TBC1D9: variants seen among roughly 807,000 people sequenced by gnomAD.
The protein encoded by TBC1D9 is TBC1 domain family member 9A.
A neutral mutation model predicts 132.0 loss-of-function variants in TBC1D9; 63 were observed. The observed-to-expected ratio is 0.48, with a 90% CI of 0.39 to 0.59. The LOEUF (loss-of-function observed/expected upper bound fraction) is 0.59. Among genes scored for constraint, TBC1D9 ranks in the 20% least tolerant of loss-of-function variants. The pLI is 0.00. For missense variants in TBC1D9, 1,261 were observed against 1,592.7 expected, an observed-to-expected ratio of 0.79 and a Z score of 3.54; for synonymous variants, 610 against 609.9, an observed-to-expected ratio of 1.00 and a Z score of 0.00.
In TBC1D9 at chr4:140,653,633, GA is replaced by G. The variant is rs369580221; in HGVS notation, c.2337+3463del. Among the ~76,000 whole-genome samples, 256 of 152,156 alleles carry G rather than the reference GA, an allele frequency of 1.7e-3. 1 individual carries two copies. Among genetic ancestry groups the G allele is most frequent in the African/African-American group, 5.4e-3 (224 of 41,512 alleles). ...AACCACCAATTTAATGGTTAGGAGG[GA>G]AAAAAACAATCAGCAAGAGTTCGTG... On this transcript the variant is annotated intron_variant, in intron 13 of 20. Coordinates refer to ENST00000442267, the MANE Select transcript of TBC1D9 (RefSeq NM_015130.3).
intron 1 of TBC1D9, among the ~76,000 whole-genome samples, chr4:140,741,728 A>G (rs948365890): frequency 6.6e-6 from 1 of 152,206 alleles, no homozygotes; most frequent in Non-Finnish European, 1.5e-5. Flanking sequence ...GATAAAAACA[A>G]AAACAAAACA....
At chr4:140,638,909 C>T (rs1389855054) in intron 15 of TBC1D9, among the ~76,000 whole-genome samples, 177 bp downstream of exon 15, 1 of 152,112 alleles carries the variant, frequency 6.6e-6, no homozygotes, top group Non-Finnish European at 1.5e-5. Context: ...AAAACATCAA[C>T]TTAAATTGGT....
chr4:140,635,609 AAAAGGAGC>A (rs772161808), intron 15 of TBC1D9, among the ~76,000 whole-genome samples: 4 of 152,200 alleles, frequency 2.6e-5, no homozygotes, highest in Non-Finnish European at 5.9e-5. Context: ...TCTCCCTTAG[AAAAGGAGC>A]AAAGAAGATC....
At chr4:140,695,842 G>A (rs1176830195) in intron 2 of TBC1D9, among the ~76,000 whole-genome samples, 1 of 152,104 alleles carries the variant, frequency 6.6e-6, no homozygotes, top group Non-Finnish European at 1.5e-5. Flanking sequence ...GTGAGCCCCA[G>A]GTGCAAAATA....
chr4:140,734,795 C>G (rs1738648801), intron 1 of TBC1D9, among the ~76,000 whole-genome samples: 1 of 152,000 alleles, frequency 6.6e-6, no homozygotes. Flanking sequence ...GACCCTGTCT[C>G]TAAAATAAAA....
chr4:140,676,103 C>G (rs546903390), intron 6 of TBC1D9, among the ~76,000 whole-genome samples: 11 of 152,320 alleles, frequency 7.2e-5, no homozygotes, highest in African/African-American at 2.6e-4. Flanking sequence ...CTATGCCCCA[C>G]AGCCCACCAA....
intron 9 of TBC1D9, among the ~76,000 whole-genome samples, chr4:140,665,711 G>C (rs1737432272): frequency 6.6e-6 from 1 of 151,998 alleles, no homozygotes. Flanking sequence ...GGGTCTTGCT[G>C]AGTCACCCAA....
chr4:140,648,542 C>A (rs61349008), intron 13 of TBC1D9, among the ~76,000 whole-genome samples: 1 of 151,920 alleles, frequency 6.6e-6, no homozygotes, highest in Non-Finnish European at 1.5e-5. Flanking sequence ...TGTGCCACTA[C>A]GCCTGGCTAA....
At chr4:140,651,683 C>T (rs1458343057) in intron 13 of TBC1D9, among the ~76,000 whole-genome samples, 1 of 152,152 alleles carries the variant, frequency 6.6e-6, no homozygotes, top group Non-Finnish European at 1.5e-5. Flanking sequence ...GTTAGAGATA[C>T]ATTCTTTTAC....
chr4:140,667,685 C>T (rs547640979), intron 9 of TBC1D9, among the ~76,000 whole-genome samples: 5 of 151,814 alleles, frequency 3.3e-5, no homozygotes, highest in Non-Finnish European at 7.4e-5. Flanking sequence ...ATTGATTGAG[C>T]CTACAAGTTT....
intron 16 of TBC1D9, among the ~76,000 whole-genome samples, chr4:140,630,983 AC>A (rs1271053992): frequency 1.3e-5 from 2 of 152,250 alleles, no homozygotes; most frequent in African/African-American, 4.8e-5. Flanking sequence ...GTCCAAGGGT[AC>A]TAGTGAATGC....
intron 1 of TBC1D9, among the ~76,000 whole-genome samples, chr4:140,720,367 A>C (rs1738404453): frequency 6.6e-6 from 1 of 152,260 alleles, no homozygotes; most frequent in Non-Finnish European, 1.5e-5. Context: ...GAAAGAGACA[A>C]CAGGAGCAGA....
chr4:140,753,501 T>C (rs1433755157), intron 1 of TBC1D9, among the ~76,000 whole-genome samples: 2 of 152,130 alleles, frequency 1.3e-5, no homozygotes, highest in South Asian at 2.1e-4. Context: ...CTTTCTGCTA[T>C]TGTCTATGTT....
intron 13 of TBC1D9, among the ~76,000 whole-genome samples, chr4:140,648,991 T>G (rs1216300336): frequency 2.0e-5 from 3 of 152,206 alleles, no homozygotes; most frequent in Non-Finnish European, 2.9e-5. Context: ...ATTTACTTTA[T>G]CCTTCAAAGC....
At chr4:140,644,089 C>T (rs1737058457) in intron 13 of TBC1D9, 1 of 402,738 alleles carries the variant, frequency 2.5e-6, no homozygotes, top group South Asian at 2.4e-5. Context: ...GGGAGCAGCA[C>T]ATCAGGGGCC....
chr4:140,754,227 A>G (rs1350071865), intron 1 of TBC1D9, among the ~76,000 whole-genome samples: 1 of 152,196 alleles, frequency 6.6e-6, no homozygotes, highest in African/African-American at 2.4e-5. Flanking sequence ...TGAATACTTA[A>G]TGCTTACAAG....
At chr4:140,698,070 T>C (rs1192377410) in intron 2 of TBC1D9, among the ~76,000 whole-genome samples, 1 of 152,234 alleles carries the variant, frequency 6.6e-6, no homozygotes, top group African/African-American at 2.4e-5. Context: ...AACTTCTTTC[T>C]TTTTAGTTCT....
rs139453470 is a variant in TBC1D9 at position 140,655,675 on chromosome 4, C to T, written c.2337+1422G>A. Among the ~76,000 whole-genome samples, 661 of 152,182 alleles carry T rather than the reference C, an allele frequency of 4.3e-3. 3 individuals carry two copies. Among genetic ancestry groups the T allele is most frequent in the African/African-American group, 0.015 (623 of 41,530 alleles). ...GAAAGTGGCACTGTGGTTCCTTCACCCCAAAAAGCGTATTAGTTCTGTTGT... is the reference window on the plus strand; with the variant it reads ...GAAAGTGGCACTGTGGTTCCTTCACTCCAAAAAGCGTATTAGTTCTGTTGT... On this transcript the variant is annotated intron_variant, in intron 13 of 20. Transcript: ENST00000442267.
chr4:140,670,241 G>A (rs899535625), intron 7 of TBC1D9, among the ~76,000 whole-genome samples: 5 of 152,138 alleles, frequency 3.3e-5, no homozygotes, highest in African/African-American at 1.2e-4. Flanking sequence ...TTCGAAACAT[G>A]TTTTATCTGC....
Sources: gnomAD v4.1 joint callset for allele counts (sites outside exome capture counted in the v4.1 genomes callset) on GRCh38, gnomAD v4.1.1 for gene constraint, MANE v1.5 for transcripts, NCBI Gene and HGNC (gene_info 2026-07-23, HGNC 2026-07-21) for gene names.